BAAT: variants seen among roughly 807,000 people sequenced by gnomAD.
BAAT encodes bile acid CoA: amino acid N-acyltransferase (glycine N-choloyltransferase).
In BAAT, 13 loss-of-function variants were observed where a neutral mutation model predicts 18.9. The observed-to-expected ratio is 0.69, with a 90% CI of 0.45 to 1.10. The LOEUF (loss-of-function observed/expected upper bound fraction) is 1.10, where lower values mean the gene tolerates loss of function less well. Among genes scored for constraint, BAAT ranks in the 50% least tolerant of loss-of-function variants. BAAT has a pLI of 0.00. For missense variants in BAAT, 489 were observed against 504.0 expected (o/e 0.97, Z 0.28); for synonymous variants, 170 against 190.7 (o/e 0.89, Z 0.89).
intron 1 of BAAT, among the ~76,000 whole-genome samples, chr9:101,372,360 A>C (rs1000948835): frequency 6.6e-6 from 1 of 152,094 alleles, no homozygotes; most frequent in Non-Finnish European, 1.5e-5. Context: ...GAAAGAACAA[A>C]AGGGGTGGTG....
intron 3 of BAAT, among the ~76,000 whole-genome samples, chr9:101,364,371 C>T (rs16920270): frequency 0.031 from 4,708 of 152,200 alleles, 248 homozygotes; most frequent in African/African-American, 0.11. Flanking sequence ...ATTTTGTGAC[C>T]TTCAGAGTAA....
chr9:101,368,350 A>G (rs1829871004), intron 2 of BAAT, 28 bp from the exon 3 acceptor site: 1 of 1,599,118 alleles, frequency 6.3e-7, no homozygotes, highest in Non-Finnish European at 8.5e-7. Context: ...AGAATTGTAC[A>G]TGAAGAGAAG....
At chr9:101,371,722 A>G (rs547020091) in intron 1 of BAAT, among the ~76,000 whole-genome samples, 11 of 152,356 alleles carry the variant, frequency 7.2e-5, no homozygotes, top group Admixed American at 2.0e-4. Flanking sequence ...CATGAATGGT[A>G]TCAATACATC....
chr9:101,376,146 G>A (rs1830041376), intron 1 of BAAT: 1 of 163,788 alleles, frequency 6.1e-6, no homozygotes, highest in South Asian at 1.6e-4. Flanking sequence ...CTGTTTAGCT[G>A]GTTAGGTCCC....
At position 101,371,449 on chromosome 9, in the gene BAAT, GCAAAACCT is replaced by G; in HGVS notation, c.-53_-46del. On this transcript the variant is annotated 5_prime_UTR_variant, in exon 2 of 4. Coordinates refer to ENST00000259407, the MANE Select transcript of BAAT (RefSeq NM_001701.4). ...GGATGATTCTTCAGGAATATCTTCA[GCAAAACCT>G]CAAAACCTCAAAAAAGAAAGAAAGA... The G allele has an allele frequency of 1.3e-6, 2 of 1,558,272 alleles. No homozygotes were observed. The highest frequency in any genetic ancestry group is 1.7e-6 in the Non-Finnish European group (2 of 1,143,554).
rs748429467 is a variant in BAAT, at chr9:101,368,185, T to C, written c.604A>G (p.Lys202Glu). The C allele has an allele frequency of 6.2e-7, 1 of 1,613,758 alleles. No homozygotes were observed. Among genetic ancestry groups the C allele is most frequent in the Non-Finnish European group, 8.5e-7 (1 of 1,179,854 alleles). The change falls in exon 3 of 4, where the codon AAA becomes GAA. Residue 202 changes from lysine (K) to glutamate (E), a missense_variant. Transcript: ENST00000259407. ...TATTCCAAATCTGTTACTTCTGGTT[T>C]GCGGGGCAGGTCTTCATAGTTATGG... ...AYHNYEDLPR[K>E]PEVTDLEYFE...
intron 1 of BAAT, among the ~76,000 whole-genome samples, chr9:101,382,568 C>A (rs181994199): frequency 5.2e-4 from 79 of 152,278 alleles, no homozygotes; most frequent in Middle Eastern, 3.4e-3. Flanking sequence ...TTGGGTCTCT[C>A]CCAAGTGTGT....
At chr9:101,368,790 T>G (rs928814992) in intron 2 of BAAT, among the ~76,000 whole-genome samples, 2 of 152,186 alleles carry the variant, frequency 1.3e-5, no homozygotes, top group Non-Finnish European at 2.9e-5. Flanking sequence ...AATTACAATA[T>G]ATGCAAAATA....
intron 3 of BAAT, among the ~76,000 whole-genome samples, chr9:101,367,796 T>TA (rs1564055149): frequency 6.6e-6 from 1 of 152,180 alleles, no homozygotes; most frequent in African/African-American, 2.4e-5. Context: ...AGTCCCTTTT[T>TA]AAAAAATAAC....
rs1829738090 is a variant in BAAT at position 101,362,215 on chromosome 9, AT to A, written c.*212del. ...AGTCATGTAAATAATAAGTAAAATG[AT>A]TTGTTTTATGATTTATTCACCATGT... On this transcript the variant is annotated 3_prime_UTR_variant, in exon 4 of 4. Coordinates refer to ENST00000259407, the MANE Select transcript of BAAT (RefSeq NM_001701.4). 1 of 620,614 alleles carries A rather than the reference AT, an allele frequency of 1.6e-6. No homozygotes were observed. The allele number at this position is 620,614 out of a possible 1,614,324, so 38.4% of individuals were successfully genotyped here. A position where few individuals can be genotyped will look rare whatever the true frequency, so the allele number is the denominator to read the frequency against.
intron 3 of BAAT, 141 bp downstream of exon 3, chr9:101,367,979 G>T: frequency 1.2e-6 from 1 of 848,688 alleles, no homozygotes; most frequent in Non-Finnish European, 1.9e-6. Flanking sequence ...GTATCAAAAG[G>T]CACTGGCTTC....
chr9:101,373,570 C>T (rs190961563), intron 1 of BAAT, among the ~76,000 whole-genome samples: 25 of 152,284 alleles, frequency 1.6e-4, no homozygotes, highest in Middle Eastern at 3.4e-3. Flanking sequence ...TGAACGATAA[C>T]GATGTTTTGT....
intron 1 of BAAT, among the ~76,000 whole-genome samples, chr9:101,371,993 T>C (rs1004163666): frequency 4.6e-5 from 7 of 152,128 alleles, no homozygotes; most frequent in Non-Finnish European, 1.0e-4. Flanking sequence ...AATGAAACCA[T>C]GTCCTTTGCA....
chr9:101,361,075 A>G lies in BAAT; in HGVS notation c.*1353T>C, dbSNP rs1282098871. The stretch of plus-strand genomic sequence containing the variant: ...ACTGTTCCAATAAATCACAACCAGG[A>G]AGGCCAGCAAGTGTAGATGAGAGAC... On this transcript the variant is annotated 3_prime_UTR_variant, in exon 4 of 4. Coordinates refer to ENST00000259407, the MANE Select transcript of BAAT (RefSeq NM_001701.4). The G allele has an allele frequency of 6.3e-6, 1 of 158,450 alleles. No individual in the cohort carries two copies. The highest frequency in any genetic ancestry group is 6.5e-5 in the Admixed American group (1 of 15,376). 9.8% of individuals were successfully genotyped at this position (158,450 alleles called of 1,614,324 possible). A position where few individuals can be genotyped will look rare whatever the true frequency, so the allele number is the denominator to read the frequency against.
intron 1 of BAAT, chr9:101,376,217 T>G (rs965445424): frequency 3.4e-5 from 6 of 177,294 alleles, no homozygotes; most frequent in African/African-American, 1.4e-4. Flanking sequence ...TTTGCCTTCC[T>G]TTTTAACACT....
chr9:101,377,454 G>C (rs576303165), intron 1 of BAAT, among the ~76,000 whole-genome samples: 2 of 152,198 alleles, frequency 1.3e-5, no homozygotes, highest in African/African-American at 4.8e-5. Flanking sequence ...TTTTTCACAA[G>C]AGAGGGTAAA....
chr9:101,366,821 A>T (rs1226714449), intron 3 of BAAT, among the ~76,000 whole-genome samples: 2 of 152,028 alleles, frequency 1.3e-5, no homozygotes, highest in Non-Finnish European at 2.9e-5. Flanking sequence ...ATAAAAAAAC[A>T]TGTAGTATGG....
At position 101,372,623 on chromosome 9, in the gene BAAT, GT is replaced by G. The variant is rs5899439; in HGVS notation, c.-59-1161del. ...TACAAAATTAGTTTTGGGGTTGTTG[GT>G]TTTTTTTTTTTTTTTGGTCTTTATT... is the stretch of plus-strand genomic sequence containing the variant. On this transcript the variant is annotated intron_variant, in intron 1 of 3. Coordinates refer to ENST00000259407, the MANE Select transcript of BAAT (RefSeq NM_001701.4). Among the ~76,000 whole-genome samples the G allele has an allele frequency of 4.2e-3, 570 of 134,226 alleles. 2 individuals are homozygous for G. The highest frequency in any genetic ancestry group is 0.014 in the African/African-American group (516 of 36,104). The allele number at this position is 134,226 out of a possible 152,430, so 88.1% of individuals were successfully genotyped here.
chr9:101,367,001 A>G (rs1053535691), intron 3 of BAAT, among the ~76,000 whole-genome samples: 5 of 151,482 alleles, frequency 3.3e-5, no homozygotes, highest in Admixed American at 3.3e-4. Context: ...AGTCCCAGCT[A>G]CTCAGGAGGC....
Sources: allele counts gnomAD v4.1 joint callset (sites outside exome capture counted in the v4.1 genomes callset), GRCh38; gene constraint gnomAD v4.1.1; transcripts MANE v1.5; gene names NCBI Gene and HGNC (gene_info 2026-07-23, HGNC 2026-07-21).